CNTN3: variants seen among roughly 807,000 people sequenced by gnomAD.
CNTN3 encodes contactin-3.
CNTN3 carries 60 observed loss-of-function variants against 119.1 expected under a neutral mutation model. The ratio of observed to expected loss-of-function variants is 0.50; its 90% CI spans 0.41 to 0.62. The LOEUF (loss-of-function observed/expected upper bound fraction) is 0.62, where lower values mean the gene tolerates loss of function less well. Ranked by LOEUF, CNTN3 falls within the 20% of genes least tolerant of loss-of-function variation. CNTN3 has a pLI of 0.00. For missense variants in CNTN3, 1,101 were observed against 1,242.4 expected, an observed-to-expected ratio of 0.89 and a Z score of 1.71; for synonymous variants, 450 against 438.7, an observed-to-expected ratio of 1.03 and a Z score of -0.32.
intron 4 of CNTN3, among the ~76,000 whole-genome samples, chr3:74,448,103 G>A (rs935913571): frequency 1.3e-5 from 2 of 152,128 alleles, no homozygotes; most frequent in African/African-American, 4.8e-5. Flanking sequence ...TTTTAACCAA[G>A]TATGCATACA....
chr3:74,309,137 C>T (rs1243901130), intron 13 of CNTN3, among the ~76,000 whole-genome samples: 1 of 152,006 alleles, frequency 6.6e-6, no homozygotes, highest in African/African-American at 2.4e-5. Flanking sequence ...TGGAGTTTCA[C>T]TCTGTCACCC....
chr3:74,407,303 T>C (rs1701346061), intron 5 of CNTN3, among the ~76,000 whole-genome samples: 2 of 131,114 alleles, frequency 1.5e-5, no homozygotes, highest in Admixed American at 2.0e-4. Flanking sequence ...AGTCTCACTC[T>C]TGTTGCCCAG....
chr3:74,587,735 T>C (rs192451665), intron 1 of CNTN3, among the ~76,000 whole-genome samples: 6 of 152,206 alleles, frequency 3.9e-5, no homozygotes, highest in Admixed American at 6.5e-5. Flanking sequence ...TCATGTCATC[T>C]GCAAACAGGG....
At chr3:74,599,027 C>T (rs2106700450) in intron 1 of CNTN3, among the ~76,000 whole-genome samples, 1 of 152,112 alleles carries the variant, frequency 6.6e-6, no homozygotes, top group East Asian at 1.9e-4. Context: ...CTACACTGCT[C>T]ATTTGTTGTA....
intron 2 of CNTN3, among the ~76,000 whole-genome samples, chr3:74,518,125 T>C (rs370698649): frequency 2.6e-5 from 4 of 152,076 alleles, no homozygotes; most frequent in South Asian, 2.1e-4. Context: ...TGAACTCTAA[T>C]AGCACTTGCA....
At chr3:74,391,690 C>T (rs1031143279) in intron 5 of CNTN3, among the ~76,000 whole-genome samples, 15 of 151,430 alleles carry the variant, frequency 9.9e-5, no homozygotes, top group Non-Finnish European at 1.5e-4. Context: ...TCTCAGCCTC[C>T]GGAGTAGCTG....
At chr3:74,594,737 A>G (rs1300262030) in intron 1 of CNTN3, among the ~76,000 whole-genome samples, 2 of 152,058 alleles carry the variant, frequency 1.3e-5, no homozygotes, top group Admixed American at 1.3e-4. Context: ...TGCTATTGTG[A>G]ATAGTGCCGC....
At chr3:74,285,640 A>T in intron 19 of CNTN3, 149 bp from the exon 20 acceptor site, 2 of 687,802 alleles carry the variant, frequency 2.9e-6, no homozygotes, top group Non-Finnish European at 4.7e-6. Context: ...GTGCTGCATT[A>T]GGCTGTGTGT....
chr3:74,604,547 G>A lies in CNTN3; in HGVS notation c.-81+9844C>T, dbSNP rs548505111. Among the ~76,000 whole-genome samples the A allele has an allele frequency of 2.6e-5, 4 of 152,178 alleles. No individual in the cohort carries two copies. In the East Asian group the frequency reaches 7.8e-4, roughly 29 times the overall value. On this transcript the variant is annotated intron_variant, in intron 1 of 22. Transcript: ENST00000263665. ...AAGAATACATAGAAATAGCAAATGG[G>A]TATATGAAAAGGTGTTCAACCTCAC...
intron 19 of CNTN3, among the ~76,000 whole-genome samples, chr3:74,292,993 G>A (rs1489517108): frequency 6.7e-6 from 1 of 149,990 alleles, no homozygotes; most frequent in African/African-American, 2.5e-5. Context: ...TTGTTCTCCT[G>A]TATTTATGTG....
rs1190648398 is a variant in CNTN3, at chr3:74,364,505, T to C, written c.1175A>G (p.His392Arg). ...CTCAGCACTGGAATAAACAAGGCCATGTTTGTTTTCTGCTATGCATTGGAA... is the reference window on the plus strand; with the variant it reads ...CTCAGCACTGGAATAAACAAGGCCACGTTTGTTTTCTGCTATGCATTGGAA... ...GMFQCIAENK[H>R]GLVYSSAELK... The change falls in exon 10 of 23, where the codon CAT becomes CGT. Residue 392 changes from histidine to arginine, a missense_variant. Transcript: ENST00000263665. The C allele has an allele frequency of 5.6e-6, 9 of 1,612,582 alleles. No homozygotes were observed. Among genetic ancestry groups the C allele is most frequent in the African/African-American group, 2.7e-5 (2 of 74,854 alleles).
intron 7 of CNTN3, among the ~76,000 whole-genome samples, chr3:74,369,642 A>G (rs995877260): frequency 6.7e-6 from 1 of 149,966 alleles, no homozygotes; most frequent in African/African-American, 2.4e-5. Context: ...ATGAACAAGA[A>G]AAAAAAAAAC....
At chr3:74,559,444 G>A (rs1302792041) in intron 1 of CNTN3, among the ~76,000 whole-genome samples, 1 of 152,134 alleles carries the variant, frequency 6.6e-6, no homozygotes, top group Non-Finnish European at 1.5e-5. Context: ...AGGATTCCTT[G>A]TTATCAGGAA....
At chr3:74,441,732 T>C (rs1194975859) in intron 4 of CNTN3, among the ~76,000 whole-genome samples, 1 of 152,174 alleles carries the variant, frequency 6.6e-6, no homozygotes, top group Non-Finnish European at 1.5e-5. Context: ...ATGGGTGGTA[T>C]TATCCTTTGG....
intron 20 of CNTN3, among the ~76,000 whole-genome samples, chr3:74,283,243 C>T (rs1226244685): frequency 6.6e-6 from 1 of 152,090 alleles, no homozygotes; most frequent in East Asian, 1.9e-4. Context: ...ATTATATAAC[C>T]TCCATATGCC....
At chr3:74,446,686 T>G (rs1299006216) in intron 4 of CNTN3, among the ~76,000 whole-genome samples, 1 of 149,848 alleles carries the variant, frequency 6.7e-6, no homozygotes, top group Non-Finnish European at 1.5e-5. Context: ...TTTACTTGTT[T>G]TTTTTTTTTT....
intron 4 of CNTN3, among the ~76,000 whole-genome samples, chr3:74,436,334 A>G (rs1701865460): frequency 6.6e-6 from 1 of 152,178 alleles, no homozygotes; most frequent in Admixed American, 6.5e-5. Flanking sequence ...GGCTGAGGGC[A>G]TGATCCTTCT....
At chr3:74,300,403 C>G (rs1025246464) in intron 16 of CNTN3, among the ~76,000 whole-genome samples, 4 of 152,158 alleles carry the variant, frequency 2.6e-5, no homozygotes, top group Non-Finnish European at 4.4e-5. Context: ...ACAGGGGCAT[C>G]AGATTCTCAC....
At chr3:74,283,678 AT>A (rs1289616682) in intron 20 of CNTN3, among the ~76,000 whole-genome samples, 29 of 152,136 alleles carry the variant, frequency 1.9e-4, no homozygotes, top group Admixed American at 1.9e-3. Context: ...GTTTGCATAT[AT>A]TTTTGCAATC....
Sources: allele counts gnomAD v4.1 joint callset (sites outside exome capture counted in the v4.1 genomes callset), GRCh38; gene constraint gnomAD v4.1.1; transcripts MANE v1.5; gene names NCBI Gene and HGNC (gene_info 2026-07-23, HGNC 2026-07-21).